The following CNTN5 variants were observed in gnomAD, a reference collection of about 807,000 sequenced individuals.
CNTN5 encodes contactin-5.
Under a neutral mutation model 129.1 loss-of-function variants are expected in CNTN5, and 77 were observed. The observed-to-expected ratio is 0.60, with a 90% confidence interval of 0.50 to 0.72. CNTN5 has a LOEUF of 0.72. Among genes scored for constraint, CNTN5 ranks in the 30% least tolerant of loss-of-function variants. CNTN5 has a pLI of 0.00. For missense variants in CNTN5, 1,478 were observed against 1,328.8 expected, an observed-to-expected ratio of 1.11 and a Z score of -1.75; for synonymous variants, 509 against 465.6, an observed-to-expected ratio of 1.09 and a Z score of -1.20.
intron 3 of CNTN5, among the ~76,000 whole-genome samples, chr11:99,666,209 C>T (rs1411698445): frequency 6.6e-6 from 1 of 152,172 alleles, no homozygotes; most frequent in African/African-American, 2.4e-5. Context: ...CTCAGGTGAT[C>T]CGCCTGCCTG....
chr11:99,793,129 G>A (rs950897359), intron 3 of CNTN5, among the ~76,000 whole-genome samples: 9 of 150,992 alleles, frequency 6.0e-5, no homozygotes, highest in African/African-American at 9.8e-5. Flanking sequence ...GCGCAATCTC[G>A]GCTCACTGCA....
intron 1 of CNTN5, among the ~76,000 whole-genome samples, chr11:99,084,532 T>C (rs1345665497): frequency 6.6e-6 from 1 of 152,232 alleles, no homozygotes; most frequent in Non-Finnish European, 1.5e-5. Context: ...CTTTTAACTT[T>C]ACATGTTATG....
intron 2 of CNTN5, among the ~76,000 whole-genome samples, chr11:99,533,514 G>C (rs752380974): frequency 6.6e-6 from 1 of 152,252 alleles, no homozygotes; most frequent in Non-Finnish European, 1.5e-5. Context: ...AAGGGATAGT[G>C]ACATCTCACT....
chr11:100,192,666 C>G (rs752612183), intron 14 of CNTN5, among the ~76,000 whole-genome samples: 3 of 152,006 alleles, frequency 2.0e-5, no homozygotes, highest in Non-Finnish European at 2.9e-5. Flanking sequence ...ATATTTAAAA[C>G]ACATCATCTT....
chr11:99,886,047 A>T (rs1948893338), intron 6 of CNTN5, among the ~76,000 whole-genome samples: 1 of 152,134 alleles, frequency 6.6e-6, no homozygotes, highest in Non-Finnish European at 1.5e-5. Context: ...ATCTACATTA[A>T]AAAATTAAGT....
chr11:99,273,497 C>G (rs1202718678), intron 1 of CNTN5, among the ~76,000 whole-genome samples: 1 of 151,736 alleles, frequency 6.6e-6, no homozygotes, highest in African/African-American at 2.4e-5. Flanking sequence ...GTTTGTCTCT[C>G]TCTTGCTTCT....
At chr11:99,673,434 TG>T (rs1953134432) in intron 3 of CNTN5, among the ~76,000 whole-genome samples, 1 of 152,160 alleles carries the variant, frequency 6.6e-6, no homozygotes. Context: ...GTCTGATATA[TG>T]GGCATTTCTC....
intron 15 of CNTN5, among the ~76,000 whole-genome samples, chr11:100,218,261 A>G (rs1172971629): frequency 6.6e-6 from 1 of 152,242 alleles, no homozygotes; most frequent in African/African-American, 2.4e-5. Flanking sequence ...AGCCTTAAGA[A>G]GATGTATTCT....
chr11:100,045,277 A>C (rs1016239954), intron 9 of CNTN5, among the ~76,000 whole-genome samples: 1 of 152,188 alleles, frequency 6.6e-6, no homozygotes, highest in Non-Finnish European at 1.5e-5. Flanking sequence ...TTAAGACATT[A>C]AGAATTTAGG....
At chr11:99,187,963 AT>A (rs1258983057) in intron 1 of CNTN5, among the ~76,000 whole-genome samples, 1 of 151,848 alleles carries the variant, frequency 6.6e-6, no homozygotes, top group African/African-American at 2.4e-5. Flanking sequence ...ACTATTATAA[AT>A]ATAAACAAAT....
At chr11:99,441,357 T>C (rs1307276947) in intron 2 of CNTN5, among the ~76,000 whole-genome samples, 1 of 152,202 alleles carries the variant, frequency 6.6e-6, no homozygotes, top group Non-Finnish European at 1.5e-5. Context: ...AACAATAAAA[T>C]AATCTTGAAC....
chr11:99,511,491 G>A (rs1304514454), intron 2 of CNTN5, among the ~76,000 whole-genome samples: 1 of 151,894 alleles, frequency 6.6e-6, no homozygotes, highest in Non-Finnish European at 1.5e-5. Context: ...AATAGGTGTG[G>A]TGTGGTGCTG....
intron 9 of CNTN5, among the ~76,000 whole-genome samples, chr11:100,050,665 TTATAA>T (rs918102049): frequency 3.3e-5 from 5 of 151,794 alleles, no homozygotes; most frequent in African/African-American, 1.2e-4. Context: ...AAAAAAGACC[TTATAA>T]TATACTATCT....
At chr11:99,094,726 G>A (rs367866766) in intron 1 of CNTN5, among the ~76,000 whole-genome samples, 56 of 152,006 alleles carry the variant, frequency 3.7e-4, no homozygotes, top group African/African-American at 1.3e-3. Context: ...AAAGTCCGGG[G>A]TAGGTGGTAA....
chr11:99,478,944 G>A (rs1334554734), intron 2 of CNTN5, among the ~76,000 whole-genome samples: 1 of 151,792 alleles, frequency 6.6e-6, no homozygotes, highest in Non-Finnish European at 1.5e-5. Context: ...ATTCTTTTTG[G>A]TTTGTTTTAA....
At chr11:99,033,753 C>G (rs1206251436) in intron 1 of CNTN5, among the ~76,000 whole-genome samples, 1 of 151,920 alleles carries the variant, frequency 6.6e-6, no homozygotes, top group East Asian at 1.9e-4. Flanking sequence ...AATTGAATAC[C>G]CTTTATTTCC....
chr11:99,992,164 C>T (rs1939145395), intron 8 of CNTN5, among the ~76,000 whole-genome samples: 1 of 152,154 alleles, frequency 6.6e-6, no homozygotes, highest in Admixed American at 6.5e-5. Context: ...ATTAGTCCAG[C>T]CAAATTCTCA....
At chr11:99,576,578 C>T (rs139722712) in intron 3 of CNTN5, among the ~76,000 whole-genome samples, 12 of 152,278 alleles carry the variant, frequency 7.9e-5, no homozygotes, top group African/African-American at 2.9e-4. Flanking sequence ...AGTCTTAATT[C>T]ATAGAGGTAA....
chr11:99,022,376 G>C (rs1862913229), intron 1 of CNTN5, among the ~76,000 whole-genome samples: 1 of 152,046 alleles, frequency 6.6e-6, no homozygotes, highest in Non-Finnish European at 1.5e-5. Flanking sequence ...GAGCTTAAAG[G>C]AGTTCATTAT....
Sources: gnomAD v4.1 joint callset for allele counts (sites outside exome capture counted in the v4.1 genomes callset) on GRCh38, gnomAD v4.1.1 for gene constraint, MANE v1.5 for transcripts, NCBI Gene and HGNC (gene_info 2026-07-23, HGNC 2026-07-21) for gene names.